Variants in PLXNA4 observed in about 807,000 individuals in gnomAD.
The protein encoded by PLXNA4 is plexin A4.
Under a neutral mutation model 191.8 loss-of-function variants are expected in PLXNA4, and 44 were observed. That is an observed-to-expected ratio of 0.23 (90% confidence interval 0.18 to 0.29). The LOEUF (loss-of-function observed/expected upper bound fraction) is 0.29, where lower values mean the gene tolerates loss of function less well. Ranked by LOEUF, PLXNA4 falls within the 10% of genes least tolerant of loss-of-function variation. The probability of loss-of-function intolerance (pLI) is 1.00; values close to 1 mark genes in which losing one functional copy is unlikely to be tolerated. For synonymous variants in PLXNA4, 1,082 were observed against 1,009.5 expected (o/e 1.07, Z -1.36); for missense variants, 1,800 against 2,488.8 (o/e 0.72, Z 5.89).
At chr7:132,429,004 TGCTGGTCA>T (rs1036025323) in intron 3 of PLXNA4, among the ~76,000 whole-genome samples, 2 of 152,036 alleles carry the variant, frequency 1.3e-5, no homozygotes, top group Non-Finnish European at 1.5e-5. Context: ...TATGTCTGCC[TGCTGGTCA>T]GCTGGGGGCT....
At chr7:132,430,397 A>G (rs1795214816) in intron 3 of PLXNA4, among the ~76,000 whole-genome samples, 1 of 152,080 alleles carries the variant, frequency 6.6e-6, no homozygotes. Context: ...CAAGATGGAA[A>G]TGGTTAAGTA....
intron 1 of PLXNA4, among the ~76,000 whole-genome samples, chr7:132,524,358 T>A (rs1171812410): frequency 6.6e-6 from 1 of 152,244 alleles, no homozygotes; most frequent in Non-Finnish European, 1.5e-5. Flanking sequence ...GGCTACTTTA[T>A]AAACTTCACA....
At chr7:132,445,474 T>C (rs376971273) in intron 3 of PLXNA4, among the ~76,000 whole-genome samples, 2 of 151,490 alleles carry the variant, frequency 1.3e-5, no homozygotes, top group Non-Finnish European at 2.9e-5. Context: ...ACACAACACA[T>C]CTAGTTGCCT....
chr7:132,640,270 C>T (rs1239511153), intron 2 of PLXNA4, among the ~76,000 whole-genome samples: 2 of 152,136 alleles, frequency 1.3e-5, no homozygotes, highest in African/African-American at 4.8e-5. Flanking sequence ...GAACTGACAA[C>T]CAAAGAAGTT....
At chr7:132,278,986 A>C (rs572404733) in intron 4 of PLXNA4, among the ~76,000 whole-genome samples, 1 of 152,342 alleles carries the variant, frequency 6.6e-6, no homozygotes, top group East Asian at 1.9e-4. Context: ...GCTCTGTACC[A>C]CATTGTGTCT....
chr7:132,472,824 G>T (rs1796978894), intron 3 of PLXNA4, among the ~76,000 whole-genome samples: 1 of 152,182 alleles, frequency 6.6e-6, no homozygotes, highest in African/African-American at 2.4e-5. Flanking sequence ...GTGAGGGCGT[G>T]GCCAGCGGGG....
chr7:132,227,398 T>C (rs1798363845), intron 7 of PLXNA4, 53 bp downstream of exon 7: 2 of 1,609,898 alleles, frequency 1.2e-6, no homozygotes, highest in East Asian at 4.5e-5. Context: ...TGAGTTCTCC[T>C]TATCTAGCCA....
intron 4 of PLXNA4, among the ~76,000 whole-genome samples, chr7:132,268,825 G>A (rs1799951813): frequency 6.6e-6 from 1 of 152,150 alleles, no homozygotes; most frequent in Admixed American, 6.5e-5. Flanking sequence ...GGCCTTCCTG[G>A]TGAATGTGTG....
At chr7:132,456,388 C>T (rs1365838588) in intron 3 of PLXNA4, among the ~76,000 whole-genome samples, 4 of 152,114 alleles carry the variant, frequency 2.6e-5, no homozygotes, top group Non-Finnish European at 5.9e-5. Context: ...GCTAGGATTA[C>T]AGGTGTGAGC....
At chr7:132,404,854 T>C (rs1440614814) in intron 3 of PLXNA4, among the ~76,000 whole-genome samples, 1 of 151,814 alleles carries the variant, frequency 6.6e-6, no homozygotes, top group Non-Finnish European at 1.5e-5. Context: ...GACCAGAAGG[T>C]ATAGAGGGTG....
intron 2 of PLXNA4, among the ~76,000 whole-genome samples, chr7:132,628,389 T>C (rs2116875451): frequency 1.3e-5 from 2 of 152,188 alleles, no homozygotes; most frequent in Non-Finnish European, 2.9e-5. Context: ...TCTCTCTTTT[T>C]CTCTCAGCTT....
At chr7:132,208,197 G>C (rs1797688583) in intron 10 of PLXNA4, among the ~76,000 whole-genome samples, 1 of 152,226 alleles carries the variant, frequency 6.6e-6, no homozygotes, top group Non-Finnish European at 1.5e-5. Context: ...CCCATGAAAA[G>C]AGAGGCTCCC....
At chr7:132,629,635 G>C (rs1391455390) in intron 2 of PLXNA4, among the ~76,000 whole-genome samples, 1 of 152,184 alleles carries the variant, frequency 6.6e-6, no homozygotes, top group Admixed American at 6.5e-5. Flanking sequence ...CAGTGTCTTA[G>C]CTTGGGCTGC....
At chr7:132,213,011 C>T (rs536050629) in intron 9 of PLXNA4, among the ~76,000 whole-genome samples, 1 of 152,314 alleles carries the variant, frequency 6.6e-6, no homozygotes, top group African/African-American at 2.4e-5. Flanking sequence ...CCCAGGTGTT[C>T]ACTGAGGAAT....
At chr7:132,377,780 C>T (rs1241248136) in intron 3 of PLXNA4, among the ~76,000 whole-genome samples, 3 of 152,150 alleles carry the variant, frequency 2.0e-5, no homozygotes, top group African/African-American at 7.2e-5. Flanking sequence ...AAGGTATGGC[C>T]AGGGGTAACG....
Position 132,508,768 on chromosome 7 carries a change from C to T in PLXNA4, c.-75G>A, listed in dbSNP as rs1798590319. On this transcript the variant is annotated 5_prime_UTR_variant, in exon 2 of 32. Coordinates refer to ENST00000321063, the MANE Select transcript of PLXNA4 (RefSeq NM_020911.2). The surrounding 1 kb of genome is among the most constrained non-coding windows in gnomAD (Gnocchi z 4.4). ...CTCAGAGGGCCAGGACTCAGCAATG[C>T]AGTCTCCCCTACTGGAGAAAGGGAA... 5.6e-6 allele frequency: 8 copies of T among 1,439,738 alleles called. No individual in the cohort carries two copies. The highest frequency in any genetic ancestry group is 7.3e-6 in the Non-Finnish European group (8 of 1,101,140). The allele number at this position is 1,439,738 out of a possible 1,614,324, so 89.2% of individuals were successfully genotyped here. A position where few individuals can be genotyped will look rare whatever the true frequency, so the allele number is the denominator to read the frequency against.
At chr7:132,366,269 T>C (rs147563899) in intron 3 of PLXNA4, among the ~76,000 whole-genome samples, 202 of 152,272 alleles carry the variant, frequency 1.3e-3, no homozygotes, top group African/African-American at 4.5e-3. Context: ...CTCCCACCTA[T>C]AATCCCAACG....
intron 3 of PLXNA4, chr7:132,385,062 G>A: frequency 6.7e-7 from 1 of 1,502,502 alleles, no homozygotes; most frequent in Non-Finnish European, 8.9e-7. Context: ...GACTTGGGGT[G>A]GCAGGACATG....
At chr7:132,278,516 G>A (rs1800360181) in intron 4 of PLXNA4, among the ~76,000 whole-genome samples, 1 of 152,164 alleles carries the variant, frequency 6.6e-6, no homozygotes. Context: ...GCCCATGCAT[G>A]GCCACAAAAA....
Sources: allele counts gnomAD v4.1 joint callset (sites outside exome capture counted in the v4.1 genomes callset), GRCh38; gene constraint gnomAD v4.1.1; non-coding constraint Gnocchi (gnomAD v3.1); transcripts MANE v1.5; gene names NCBI Gene and HGNC (gene_info 2026-07-23, HGNC 2026-07-21).